Variants in TENM3 observed in about 807,000 individuals in gnomAD.
TENM3 encodes the protein teneurin-3.
A neutral mutation model predicts 255.1 loss-of-function variants in TENM3; 63 were observed. The observed-to-expected ratio is 0.25, with a 90% CI of 0.20 to 0.30. The LOEUF (loss-of-function observed/expected upper bound fraction) is 0.30. TENM3 is among the 10% of genes least tolerant of loss of function. The pLI is 1.00. For missense variants in TENM3, 2,929 were observed against 3,461.1 expected (o/e 0.85, Z 3.86); for synonymous variants, 1,306 against 1,322.3 (o/e 0.99, Z 0.27).
At chr4:181,782,457 G>A in the TENM3 span, among the ~76,000 whole-genome samples, 13 of 152,114 alleles carry the variant, frequency 8.5e-5, no homozygotes, top group East Asian at 3.9e-4. Flanking sequence ...CTGTGGGATC[G>A]GTGGTGATAT....
chr4:181,921,175 C>T, the TENM3 span, among the ~76,000 whole-genome samples: 1 of 152,120 alleles, frequency 6.6e-6, no homozygotes, highest in Non-Finnish European at 1.5e-5. Context: ...CGTGATGCCT[C>T]CAGCTTTGTT....
At chr4:182,230,632 T>A (rs1756496132) in intron 1 of TENM3, among the ~76,000 whole-genome samples, 1 of 151,486 alleles carries the variant, frequency 6.6e-6, no homozygotes, top group Non-Finnish European at 1.5e-5. Context: ...AACCTCCCCA[T>A]CTGCACCCTT....
At chr4:182,349,737 G>A (rs917549889) in intron 3 of TENM3, 1 of 226,358 alleles carries the variant, frequency 4.4e-6, no homozygotes, top group South Asian at 5.1e-5. Context: ...CTATCTTCAG[G>A]TGTTTTTAAT....
the TENM3 span, among the ~76,000 whole-genome samples, chr4:181,982,700 A>G: frequency 6.6e-6 from 1 of 152,150 alleles, no homozygotes; most frequent in Admixed American, 6.5e-5. Context: ...TATGGATTCA[A>G]TTGTTTACTG....
chr4:182,472,631 A>G (rs1733241392), intron 3 of TENM3, among the ~76,000 whole-genome samples: 1 of 152,246 alleles, frequency 6.6e-6, no homozygotes, highest in African/African-American at 2.4e-5. Context: ...TTAAAGTTGA[A>G]GTCAAATACT....
chr4:181,679,138 T>C, the TENM3 span, among the ~76,000 whole-genome samples: 1 of 152,102 alleles, frequency 6.6e-6, no homozygotes, highest in South Asian at 2.1e-4. Flanking sequence ...GCAAGGGTAC[T>C]TCAACCATTC....
the TENM3 span, among the ~76,000 whole-genome samples, chr4:181,832,655 G>A: frequency 6.6e-6 from 1 of 152,210 alleles, no homozygotes; most frequent in Non-Finnish European, 1.5e-5. Flanking sequence ...GAGGAGAAAG[G>A]AAAGATAAAC....
At chr4:181,582,515 C>T in the TENM3 span, among the ~76,000 whole-genome samples, 4 of 151,858 alleles carry the variant, frequency 2.6e-5, no homozygotes, top group Admixed American at 1.3e-4. Context: ...GTAGTGGTGG[C>T]GGGCGCCTGT....
the TENM3 span, among the ~76,000 whole-genome samples, chr4:181,875,562 T>C: frequency 6.6e-6 from 1 of 152,140 alleles, no homozygotes. Flanking sequence ...TATTAGACAA[T>C]TCTTACAGTA....
chr4:181,899,595 G>A, the TENM3 span, among the ~76,000 whole-genome samples: 1 of 151,848 alleles, frequency 6.6e-6, no homozygotes. Context: ...TTGAGACAGA[G>A]TCTCTCTCTG....
chr4:181,982,633 A>G, the TENM3 span, among the ~76,000 whole-genome samples: 1 of 152,152 alleles, frequency 6.6e-6, no homozygotes, highest in Admixed American at 6.5e-5. Flanking sequence ...ATGCGGCTCC[A>G]AAAGTGCCTA....
chr4:182,364,768 AT>A (rs1365780708), intron 3 of TENM3, among the ~76,000 whole-genome samples: 2 of 152,146 alleles, frequency 1.3e-5, no homozygotes, highest in Non-Finnish European at 2.9e-5. Flanking sequence ...ATTTTTTTCT[AT>A]AACATAGTAC....
the TENM3 span, among the ~76,000 whole-genome samples, chr4:181,700,797 GACTTCCCGTC>G: frequency 6.6e-6 from 1 of 152,172 alleles, no homozygotes; most frequent in Admixed American, 6.6e-5. Context: ...AAGGTATCAG[GACTTCCCGTC>G]ACTGAAACTG....
At position 182,250,907 on chromosome 4, in the gene TENM3, G is replaced by C. The variant is rs1371042125; in HGVS notation, c.-76+7431G>C. On this transcript the variant is annotated intron_variant, in intron 1 of 27. Transcript: ENST00000511685. Reference sequence around the variant, plus strand: ...ATTCCAGCTGGAAGCTTATTTAATGGTGCGGCATTTCAGATGGATAAGAAT... The same window carrying C: ...ATTCCAGCTGGAAGCTTATTTAATGCTGCGGCATTTCAGATGGATAAGAAT... Among the ~76,000 whole-genome samples, 4 of 152,298 alleles carry C rather than the reference G, an allele frequency of 2.6e-5. No individual in the cohort carries two copies. The South Asian group carries it at 6.2e-4, about 24-fold the overall frequency.
the TENM3 span, among the ~76,000 whole-genome samples, chr4:181,725,871 G>A: frequency 5.9e-5 from 9 of 152,072 alleles, no homozygotes; most frequent in African/African-American, 2.2e-4. Context: ...CCTAATACCA[G>A]TACGATAGTA....
At chr4:182,306,787 G>A (rs1043481964) in intron 1 of TENM3, among the ~76,000 whole-genome samples, 4 of 152,156 alleles carry the variant, frequency 2.6e-5, no homozygotes, top group South Asian at 4.1e-4. Flanking sequence ...AGAGGAGAAA[G>A]GCATTATGTA....
chr4:181,679,655 A>G, the TENM3 span, among the ~76,000 whole-genome samples: 1 of 152,158 alleles, frequency 6.6e-6, no homozygotes, highest in African/African-American at 2.4e-5. Context: ...TCCTGAGGGA[A>G]TATATATGAC....
intron 1 of TENM3, among the ~76,000 whole-genome samples, chr4:182,267,125 G>A (rs1759294580): frequency 6.6e-6 from 1 of 152,128 alleles, no homozygotes; most frequent in African/African-American, 2.4e-5. Flanking sequence ...AACTGATGAA[G>A]TCTAATCTTT....
chr4:182,773,580 C>G lies in TENM3; in HGVS notation c.5001C>G (p.Ser1667Arg). 1 of 1,613,856 alleles carries G rather than the reference C, an allele frequency of 6.2e-7. No homozygotes were observed. The highest frequency in any genetic ancestry group is 8.5e-7 in the Non-Finnish European group (1 of 1,179,838). Residue 1667 changes from serine to arginine, a missense_variant, in exon 23 of 28, where the codon AGC becomes AGG. Ser to Arg is a moderately radical substitution (Grantham distance 110). This residue lies in a region of TENM3 where 1,608 missense variants were observed against 1,884.4 expected (regional missense o/e 0.85). Coordinates refer to ENST00000511685, the MANE Select transcript of TENM3 (RefSeq NM_001080477.4). ...KAITVDIESS[S>R]REEDVSITSN... is the part of the protein sequence containing the mutation. ...TCACAGTGGACATTGAGTCATCTAG[C>G]CGAGAAGAAGATGTCAGCATCACTT...
Sources: gnomAD v4.1 joint callset for allele counts (sites outside exome capture counted in the v4.1 genomes callset) on GRCh38, gnomAD v4.1.1 for gene constraint, gnomAD v4.1.1 regional missense constraint, MANE v1.5 for transcripts, NCBI Gene and HGNC (gene_info 2026-07-23, HGNC 2026-07-21) for gene names.